OLFML2A: variants seen among roughly 807,000 people sequenced by gnomAD.
OLFML2A encodes the protein olfactomedin-like protein 2A.
OLFML2A carries 47 observed loss-of-function variants against 60.9 expected under a neutral mutation model. The ratio of observed to expected loss-of-function variants is 0.77; its 90% CI spans 0.61 to 0.98. The LOEUF is 0.98. Ranked by LOEUF, OLFML2A falls within the 50% of genes least tolerant of loss-of-function variation. OLFML2A has a pLI of 0.00. For missense variants in OLFML2A, 922 were observed against 879.8 expected (o/e 1.05, Z -0.61); for synonymous variants, 372 against 375.0 (o/e 0.99, Z 0.09).
chr9:124,778,559 C>T lies in OLFML2A; in HGVS notation c.90+1199C>T, dbSNP rs372036323. On this transcript the variant is annotated intron_variant, in intron 1 of 7. Transcript: ENST00000373580. ...TGAAACCCCATCTCTACTAAAAATA[C>T]AAAAATTAGCTGGGCGCAGTGGCAC... is the stretch of plus-strand genomic sequence containing the variant. Among the ~76,000 whole-genome samples, 10 of 151,212 alleles carry T rather than the reference C, an allele frequency of 6.6e-5. No individual in the cohort carries two copies. The South Asian group carries it at 2.1e-3, about 32-fold the overall frequency.
At chr9:124,786,529 G>T (rs1278453855) in intron 1 of OLFML2A, among the ~76,000 whole-genome samples, 1 of 151,914 alleles carries the variant, frequency 6.6e-6, no homozygotes, top group Admixed American at 6.6e-5. Context: ...GACCATCCTG[G>T]CTAACACAGT....
intron 4 of OLFML2A, 106 bp from the exon 5 acceptor site, chr9:124,801,308 C>T: frequency 2.5e-6 from 3 of 1,209,132 alleles, no homozygotes; most frequent in Non-Finnish European, 3.6e-6. Context: ...GGACATAGGG[C>T]CTGGGGCAAC....
In OLFML2A at chr9:124,799,449, C is replaced by T. The variant is rs556660045; in HGVS notation, c.627C>T (p.Ala209=). The T allele has an allele frequency of 3.8e-5, 61 of 1,607,760 alleles. No individual in the cohort carries two copies. The East Asian group carries it at 8.3e-4, about 22-fold the overall frequency. The change falls in exon 4 of 8, where the codon GCC becomes GCT. Residue 209 remains alanine (A), a synonymous_variant. Coordinates refer to ENST00000373580, the MANE Select transcript of OLFML2A (RefSeq NM_182487.4). The stretch of plus-strand genomic sequence containing the variant: ...AGCTGCTGCAGAAGGATGCCGCCGC[C>T]GCCCCTGCCACCCCTGCCACGGGCA... The part of the protein sequence containing the change: ...GLQLLQKDAA[A]APATPATGTG...
intron 3 of OLFML2A, among the ~76,000 whole-genome samples, chr9:124,795,763 T>C (rs1841657172): frequency 6.6e-6 from 1 of 152,026 alleles, no homozygotes; most frequent in Non-Finnish European, 1.5e-5. Flanking sequence ...CAAGACTGTC[T>C]CAAAATAAAA....
rs2131289584 is a variant in OLFML2A, at chr9:124,812,882, T to C, written c.*2470T>C. On this transcript the variant is annotated 3_prime_UTR_variant, in exon 8 of 8. Coordinates refer to ENST00000373580, the MANE Select transcript of OLFML2A (RefSeq NM_182487.4). Reference sequence around the variant, plus strand: ...CCACAGCCGCCAAACAAACATTCACTAGGCCTCTTCTGTTTTCATACCCTT... The same window carrying C: ...CCACAGCCGCCAAACAAACATTCACCAGGCCTCTTCTGTTTTCATACCCTT... 6.6e-6 allele frequency: 1 copy of C among 152,352 alleles called. No homozygotes were observed. The highest frequency in any genetic ancestry group is 1.9e-4 in the East Asian group (1 of 5,190). The allele number at this position is 152,352 out of a possible 1,614,324, so 9.4% of individuals were successfully genotyped here. A position where few individuals can be genotyped will look rare whatever the true frequency, so the allele number is the denominator to read the frequency against.
In OLFML2A at chr9:124,804,305, C is replaced by T. The variant is rs1014313384; in HGVS notation, c.1131C>T (p.Pro377=). 6 of 1,554,818 alleles carry T rather than the reference C, an allele frequency of 3.9e-6. No homozygotes were observed. In the African/African-American group the frequency reaches 6.8e-5, roughly 18 times the overall value. The change falls in exon 6 of 8, where the codon CCC becomes CCT. Residue 377 remains proline (P), a synonymous_variant. Transcript: ENST00000373580. The part of the protein sequence containing the change: ...TTPTPTTSLL[P]TEPPSGPEVS... ...CAACCCCCACCACCAGTCTCCTGCCCACCGAGCCACCTTCAGGTCCAGAAG... is the reference window on the plus strand; with the variant it reads ...CAACCCCCACCACCAGTCTCCTGCCTACCGAGCCACCTTCAGGTCCAGAAG...
rs1045394566 is a variant in OLFML2A at position 124,808,117 on chromosome 9, G to A, written c.1354+151G>A. ...TAGCCACCCCAAGGAGGGGGTTCTG[G>A]GCTGAGGGCACTGGGCTGGAGGCCC... On this transcript the variant is annotated intron_variant, in intron 7 of 7. Transcript: ENST00000373580. 11 of 643,812 alleles carry A rather than the reference G, an allele frequency of 1.7e-5. No individual in the cohort carries two copies. The South Asian group carries it at 2.0e-4, about 11-fold the overall frequency. 39.9% of individuals were successfully genotyped at this position (643,812 alleles called of 1,614,324 possible). A position where few individuals can be genotyped will look rare whatever the true frequency, so the allele number is the denominator to read the frequency against.
At position 124,800,039 on chromosome 9, in the gene OLFML2A, G is replaced by A. The variant is rs539248884; in HGVS notation, c.669+548G>A. Among the ~76,000 whole-genome samples the A allele has an allele frequency of 2.6e-5, 4 of 152,350 alleles. No homozygotes were observed. The East Asian group carries it at 7.7e-4, about 29-fold the overall frequency. On this transcript the variant is annotated intron_variant, in intron 4 of 7. Transcript: ENST00000373580. The stretch of plus-strand genomic sequence containing the variant: ...GCAGAGGCACTGGTTCTGTCACTAG[G>A]CAGAGCCACCCATGACAGATAACAC...
chr9:124,795,764 C>G (rs1841657220), intron 3 of OLFML2A, among the ~76,000 whole-genome samples: 1 of 152,148 alleles, frequency 6.6e-6, no homozygotes, highest in African/African-American at 2.4e-5. Flanking sequence ...AAGACTGTCT[C>G]AAAATAAAAA....
intron 1 of OLFML2A, among the ~76,000 whole-genome samples, chr9:124,784,424 G>A (rs1285696546): frequency 2.6e-5 from 4 of 152,062 alleles, no homozygotes; most frequent in African/African-American, 2.4e-5. Context: ...GGCTGGCCTC[G>A]AACTCTTGAC....
In OLFML2A at chr9:124,813,725, A is replaced by G. The variant is rs1842064531; in HGVS notation, c.*3313A>G. 6.6e-6 allele frequency: 1 copy of G among 152,226 alleles called. No homozygotes were observed. The highest frequency in any genetic ancestry group is 2.4e-5 in the African/African-American group (1 of 41,460). The allele number at this position is 152,226 out of a possible 1,614,324, so 9.4% of individuals were successfully genotyped here. On this transcript the variant is annotated 3_prime_UTR_variant, in exon 8 of 8. Coordinates refer to ENST00000373580, the MANE Select transcript of OLFML2A (RefSeq NM_182487.4). ...AACAAAGTCAAGTATAAATTTACAG[A>G]GAAAAAATTCTAAGACAGTTGGATG...
In OLFML2A at chr9:124,800,774, C is replaced by T. The variant is rs145092821; in HGVS notation, c.670-640C>T. The T allele has an allele frequency of 6.0e-4, 744 of 1,230,676 alleles. 7 individuals carry two copies. In the South Asian group the frequency reaches 7.5e-3, roughly 12 times the overall value. The allele number at this position is 1,230,676 out of a possible 1,614,324, so 76.2% of individuals were successfully genotyped here. ...CGTATCTGCTGGAGCTTCTGCCTAA[C>T]GATGAGTGATGTCACAGGCCCTGTG... On this transcript the variant is annotated intron_variant, in intron 4 of 7. Transcript: ENST00000373580.
rs536490348 is a variant in OLFML2A, at chr9:124,814,287, G to C, written c.*3875G>C. ...CATGGCACTGGATGGCTGGCAGAGA[G>C]CCCTGGCTGGGAGTTAGGGAGCCCT... On this transcript the variant is annotated 3_prime_UTR_variant, in exon 8 of 8. Coordinates refer to ENST00000373580, the MANE Select transcript of OLFML2A (RefSeq NM_182487.4). 2 of 152,580 alleles carry C rather than the reference G, an allele frequency of 1.3e-5. No individual in the cohort carries two copies. Among genetic ancestry groups the C allele is most frequent in the African/African-American group, 4.8e-5 (2 of 41,582 alleles). 9.5% of individuals were successfully genotyped at this position (152,580 alleles called of 1,614,324 possible). A position where few individuals can be genotyped will look rare whatever the true frequency, so the allele number is the denominator to read the frequency against.
chr9:124,805,801 T>G (rs1222115921), intron 6 of OLFML2A, among the ~76,000 whole-genome samples: 1 of 139,220 alleles, frequency 7.2e-6, no homozygotes, highest in East Asian at 2.1e-4. Context: ...TTGTTTTGGT[T>G]TTTTTGGTTT....
Position 124,779,839 on chromosome 9 carries a change from C to T in OLFML2A, c.90+2479C>T, listed in dbSNP as rs925540833. On this transcript the variant is annotated intron_variant, in intron 1 of 7. Transcript: ENST00000373580. This position sits in a 1 kb window ranked among gnomAD's most constrained non-coding sequence, Gnocchi z 4.1. The stretch of plus-strand genomic sequence containing the variant: ...CCCGCCTTCCTCTCCAAGCCCATTC[C>T]GTTTTCCCTGGGGTGGAGGATGAGC... 3.3e-5 allele frequency among the ~76,000 whole-genome samples: 5 copies of T among 152,236 alleles called. No homozygotes were observed. Among genetic ancestry groups the T allele is most frequent in the Admixed American group, 2.0e-4 (3 of 15,284 alleles).
At chr9:124,786,720 CA>C (rs377027853) in intron 1 of OLFML2A, among the ~76,000 whole-genome samples, 119 of 128,560 alleles carry the variant, frequency 9.3e-4, no homozygotes, top group Admixed American at 1.2e-3. Context: ...GACTCCGTCT[CA>C]AAAAAAAAAA....
chr9:124,778,549 A>G (rs1841301573), intron 1 of OLFML2A, among the ~76,000 whole-genome samples: 1 of 151,748 alleles, frequency 6.6e-6, no homozygotes, highest in Non-Finnish European at 1.5e-5. Flanking sequence ...CCCCATCTCT[A>G]CTAAAAATAC....
Position 124,804,713 on chromosome 9 carries a change from T to C in OLFML2A, c.1168+371T>C, listed in dbSNP as rs183854158. Reference sequence around the variant, plus strand: ...CACTCCAGCCTGGGCGAAAGAAATTTTTTTTTTTTCTTTTTGAGACAGTCT... The same window carrying C: ...CACTCCAGCCTGGGCGAAAGAAATTCTTTTTTTTTCTTTTTGAGACAGTCT... On this transcript the variant is annotated intron_variant, in intron 6 of 7. Transcript: ENST00000373580. Among the ~76,000 whole-genome samples the C allele has an allele frequency of 4.3e-3, 646 of 151,880 alleles. 6 individuals carry two copies. The highest frequency in any genetic ancestry group is 0.015 in the African/African-American group (615 of 41,432).
rs1841288011 is a variant in OLFML2A at position 124,777,951 on chromosome 9, A to C, written c.90+591A>C. Among the ~76,000 whole-genome samples the C allele has an allele frequency of 6.6e-6, 1 of 152,154 alleles. No homozygotes were observed. The highest frequency in any genetic ancestry group is 1.5e-5 in the Non-Finnish European group (1 of 68,018). ...GGGTTCAGTCGCACATCCGCTTCTC[A>C]TCCGCCATCGCCCATCTGAGCCTCC... On this transcript the variant is annotated intron_variant, in intron 1 of 7. Transcript: ENST00000373580. This position sits in a 1 kb window ranked among gnomAD's most constrained non-coding sequence, Gnocchi z 6.2.
Sources: gnomAD v4.1 joint callset for allele counts (sites outside exome capture counted in the v4.1 genomes callset) on GRCh38, gnomAD v4.1.1 for gene constraint, Gnocchi (gnomAD v3.1) non-coding constraint, MANE v1.5 for transcripts, NCBI Gene and HGNC (gene_info 2026-07-23, HGNC 2026-07-21) for gene names.